Variants in PRKCQ observed in about 807,000 individuals in gnomAD.
PRKCQ encodes protein kinase C theta type.
PRKCQ carries 41 observed loss-of-function variants against 91.2 expected under a neutral mutation model. The ratio of observed to expected loss-of-function variants is 0.45; its 90% CI spans 0.35 to 0.58. The LOEUF is 0.58. Ranked by LOEUF, PRKCQ falls within the 20% of genes least tolerant of loss-of-function variation. PRKCQ has a pLI of 0.00. For missense variants in PRKCQ, 673 were observed against 896.5 expected, an observed-to-expected ratio of 0.75 and a Z score of 3.18; for synonymous variants, 307 against 316.9, an observed-to-expected ratio of 0.97 and a Z score of 0.33.
chr10:6,475,032 AG>A (rs1281219676), intron 12 of PRKCQ, among the ~76,000 whole-genome samples: 2 of 152,230 alleles, frequency 1.3e-5, no homozygotes, highest in African/African-American at 4.8e-5. Flanking sequence ...CCTCTTGCCA[AG>A]ACAGCAGCCT....
rs1192413773 is a variant in PRKCQ, at chr10:6,545,813, C to G, written c.-9-30669G>C. On this transcript the variant is annotated intron_variant, in intron 1 of 17. Transcript: ENST00000263125. The stretch of plus-strand genomic sequence containing the variant: ...AGATCACAAGGTGAGGAGTTCGAGA[C>G]CAGCCTGGCAAACATGGTGAAACTA... Among the ~76,000 whole-genome samples the G allele has an allele frequency of 3.3e-5, 5 of 151,992 alleles. No homozygotes were observed. In the East Asian group the frequency reaches 9.6e-4, roughly 29 times the overall value.
chr10:6,458,732 T>A (rs1369342717), intron 14 of PRKCQ, among the ~76,000 whole-genome samples: 2 of 152,056 alleles, frequency 1.3e-5, no homozygotes, highest in African/African-American at 2.4e-5. Context: ...TCTCATGGGG[T>A]CCTGTAACGT....
rs116682899 is a variant in PRKCQ at position 6,487,038 on chromosome 10, C to T, written c.791-894G>A. ...CACACGGTGTGGAAACATAAAGCCA[C>T]AGGCTTCACCAGTGTGGGCTTAGAT... On this transcript the variant is annotated intron_variant, in intron 8 of 17. Coordinates refer to ENST00000263125, the MANE Select transcript of PRKCQ (RefSeq NM_006257.5). Among the ~76,000 whole-genome samples the T allele has an allele frequency of 5.3e-3, 811 of 152,296 alleles. 7 individuals carry two copies. Among genetic ancestry groups the T allele is most frequent in the African/African-American group, 0.018 (763 of 41,556 alleles).
At chr10:6,424,117 C>G (rs752947919), downstream of PRKCQ, among the ~76,000 whole-genome samples, 14 of 152,126 alleles carry the variant, frequency 9.2e-5, no homozygotes, top group Non-Finnish European at 4.4e-5. Context: ...ATTCTCGGGG[C>G]AAAACCAAAC....
chr10:6,464,510 C>T (rs41301101), intron 12 of PRKCQ, 106 bp from the exon 13 acceptor site: 139,800 of 938,454 alleles, frequency 0.15, 11,440 homozygotes, highest in Non-Finnish European at 0.16. Flanking sequence ...AGTGCAGTGG[C>T]GTGATCTCGG....
downstream of PRKCQ, among the ~76,000 whole-genome samples, chr10:6,423,484 C>G (rs1371217607): frequency 6.6e-6 from 1 of 152,194 alleles, no homozygotes; most frequent in African/African-American, 2.4e-5. Context: ...CTGCCGTCGG[C>G]TGGGGGCTGC....
chr10:6,561,369 C>CAAAAAAAAAAAAA (rs3086735), intron 1 of PRKCQ, among the ~76,000 whole-genome samples: 1 of 82,606 alleles, frequency 1.2e-5, no homozygotes, highest in African/African-American at 4.8e-5. Flanking sequence ...GACCCTGTCT[C>CAAAAAAAAAAAAA]AAAAAAAAAA....
chr10:6,532,856 T>TA (rs1206203094), intron 1 of PRKCQ, among the ~76,000 whole-genome samples: 1 of 152,344 alleles, frequency 6.6e-6, no homozygotes, highest in South Asian at 2.1e-4. Context: ...ACTGGCCCTT[T>TA]ACCACAGAGT....
the PRKCQ span, among the ~76,000 whole-genome samples, chr10:6,400,219 T>C: frequency 6.6e-6 from 1 of 152,238 alleles, no homozygotes; most frequent in Non-Finnish European, 1.5e-5. Flanking sequence ...TTCTTTCATC[T>C]GTAGCCCCAG....
chr10:6,443,294 T>A (rs1327795596), intron 15 of PRKCQ, among the ~76,000 whole-genome samples: 1 of 152,042 alleles, frequency 6.6e-6, no homozygotes, highest in African/African-American at 2.4e-5. Flanking sequence ...ATGAAAGAAA[T>A]AAGGAAAATG....
the PRKCQ span, among the ~76,000 whole-genome samples, chr10:6,408,402 C>T: frequency 3.3e-5 from 5 of 152,114 alleles, no homozygotes; most frequent in East Asian, 1.9e-4. Context: ...TTGTCGCCCC[C>T]GCTATGCACT....
chr10:6,496,282 T>C (rs1021900195), intron 7 of PRKCQ, among the ~76,000 whole-genome samples: 4 of 148,750 alleles, frequency 2.7e-5, no homozygotes, highest in South Asian at 2.1e-4. Flanking sequence ...TAAATACATA[T>C]AAATTTTTAA....
chr10:6,488,884 A>G lies in PRKCQ; in HGVS notation c.791-2740T>C, dbSNP rs1443202013. The stretch of plus-strand genomic sequence containing the variant: ...AGCCTCAAACCCCTGGGTTCAAGCC[A>G]TCCTCTTGCCTCAGCCTCTTGTGTA... On this transcript the variant is annotated intron_variant, in intron 8 of 17. Coordinates refer to ENST00000263125, the MANE Select transcript of PRKCQ (RefSeq NM_006257.5). Among the ~76,000 whole-genome samples, 3 of 152,046 alleles carry G rather than the reference A, an allele frequency of 2.0e-5. No individual in the cohort carries two copies. The South Asian group carries it at 6.2e-4, about 31-fold the overall frequency.
chr10:6,566,518 T>G (rs1840841852), intron 1 of PRKCQ, among the ~76,000 whole-genome samples: 1 of 152,160 alleles, frequency 6.6e-6, no homozygotes, highest in South Asian at 2.1e-4. Context: ...CTGGGATTTT[T>G]CAGTCCGACT....
intron 1 of PRKCQ, among the ~76,000 whole-genome samples, chr10:6,523,757 C>CAAGGTACAGGCCATGT (rs1839103458): frequency 6.6e-6 from 1 of 152,218 alleles, no homozygotes; most frequent in Admixed American, 6.5e-5. Flanking sequence ...TAGATAGTCC[C>CAAGGTACAGGCCATGT]ACTAAGGCAT....
chr10:6,547,945 A>C (rs1028747447), intron 1 of PRKCQ, among the ~76,000 whole-genome samples: 2 of 150,072 alleles, frequency 1.3e-5, no homozygotes, highest in African/African-American at 4.9e-5. Flanking sequence ...GTGAACAGGC[A>C]ACCTACAAAA....
chr10:6,405,007 A>G, the PRKCQ span, among the ~76,000 whole-genome samples: 3 of 133,820 alleles, frequency 2.2e-5, no homozygotes, highest in African/African-American at 8.6e-5. Context: ...TCCTTCTGAC[A>G]TGGGGTCTCA....
intron 15 of PRKCQ, among the ~76,000 whole-genome samples, chr10:6,451,918 G>C (rs1834708867): frequency 6.6e-6 from 1 of 152,146 alleles, no homozygotes; most frequent in Non-Finnish European, 1.5e-5. Flanking sequence ...GTATTGATGG[G>C]ATGTATCTCA....
chr10:6,428,101 G>C lies in PRKCQ; in HGVS notation c.*106C>G. On this transcript the variant is annotated 3_prime_UTR_variant, in exon 18 of 18. Coordinates refer to ENST00000263125, the MANE Select transcript of PRKCQ (RefSeq NM_006257.5). ...CGAACGGGTCTCAGTCTTTATTGTTGAGTGTTTCTTTCTTTTTCCAAGTTG... is the reference window on the plus strand; with the variant it reads ...CGAACGGGTCTCAGTCTTTATTGTTCAGTGTTTCTTTCTTTTTCCAAGTTG... 1 of 1,423,428 alleles carries C rather than the reference G, an allele frequency of 7.0e-7. No individual in the cohort carries two copies. Among genetic ancestry groups the C allele is most frequent in the East Asian group, 2.3e-5 (1 of 43,702 alleles). 88.2% of individuals were successfully genotyped at this position (1,423,428 alleles called of 1,614,324 possible).
Sources: gnomAD v4.1 joint callset for allele counts (sites outside exome capture counted in the v4.1 genomes callset) on GRCh38, gnomAD v4.1.1 for gene constraint, MANE v1.5 for transcripts, NCBI Gene and HGNC (gene_info 2026-07-23, HGNC 2026-07-21) for gene names.